The following GXYLT2 variants were observed in gnomAD, a reference collection of about 807,000 sequenced individuals.
GXYLT2 encodes glucoside xylosyltransferase 2.
In GXYLT2, 53 loss-of-function variants were observed where a neutral mutation model predicts 45.8. That is an observed-to-expected ratio of 1.16 (90% CI 0.93 to 1.46). The LOEUF (loss-of-function observed/expected upper bound fraction) is 1.46, where lower values mean the gene tolerates loss of function less well. GXYLT2 is among the 40% of genes most tolerant of loss of function. GXYLT2 has a pLI of 0.00. For synonymous variants in GXYLT2, 219 were observed against 214.2 expected (o/e 1.02, Z -0.19); for missense variants, 551 against 544.4 (o/e 1.01, Z -0.12).
At chr3:72,903,968 A>G (rs1709455222) in intron 1 of GXYLT2, among the ~76,000 whole-genome samples, 1 of 152,180 alleles carries the variant, frequency 6.6e-6, no homozygotes, top group Admixed American at 6.5e-5. Context: ...ATCACCAGAG[A>G]TCTGCCCTGC....
intron 3 of GXYLT2, chr3:72,926,811 T>G (rs1448856650): frequency 6.6e-6 from 1 of 152,152 alleles, no homozygotes; most frequent in Admixed American, 6.5e-5. Flanking sequence ...ATATGGTAAT[T>G]TGAGGTAGGG....
chr3:72,909,962 A>G (rs1709587839), intron 2 of GXYLT2, among the ~76,000 whole-genome samples: 1 of 152,182 alleles, frequency 6.6e-6, no homozygotes, highest in African/African-American at 2.4e-5. Flanking sequence ...TGAGTAGGAA[A>G]AAAAAAGTAC....
At chr3:72,917,282 G>C (rs147212665) in intron 2 of GXYLT2, among the ~76,000 whole-genome samples, 1 of 152,080 alleles carries the variant, frequency 6.6e-6, no homozygotes, top group South Asian at 2.1e-4. Context: ...ATTTTGGGCT[G>C]TTGTGCGGTG....
intron 1 of GXYLT2, among the ~76,000 whole-genome samples, chr3:72,896,720 G>C (rs1002646568): frequency 1.3e-5 from 2 of 151,836 alleles, no homozygotes; most frequent in Admixed American, 6.6e-5. Flanking sequence ...ATGGTGGCAG[G>C]TGCCTGTAAT....
chr3:72,955,375 G>A (rs779056845), intron 4 of GXYLT2, 26 bp downstream of exon 4: 7 of 1,607,984 alleles, frequency 4.4e-6, no homozygotes, highest in South Asian at 3.3e-5. Flanking sequence ...AAAATTCCTT[G>A]TTTAAAGACT....
intron 3 of GXYLT2, among the ~76,000 whole-genome samples, chr3:72,925,129 C>T (rs1709894789): frequency 6.6e-6 from 1 of 151,430 alleles, no homozygotes; most frequent in Admixed American, 6.6e-5. Context: ...AGCTCACTTG[C>T]TCATTATGTC....
At chr3:72,937,472 G>A (rs988293016) in intron 3 of GXYLT2, among the ~76,000 whole-genome samples, 1 of 152,180 alleles carries the variant, frequency 6.6e-6, no homozygotes, top group Non-Finnish European at 1.5e-5. Context: ...CCCAGGCTGC[G>A]ATCTTTAGGT....
chr3:72,971,918 C>T (rs1303427356), intron 6 of GXYLT2, among the ~76,000 whole-genome samples: 8 of 150,350 alleles, frequency 5.3e-5, no homozygotes, highest in African/African-American at 2.0e-4. Flanking sequence ...CACTGCACTC[C>T]AGCCTGGGCG....
intron 3 of GXYLT2, among the ~76,000 whole-genome samples, chr3:72,944,262 T>C (rs7617954): frequency 2.0e-5 from 1 of 49,852 alleles, no homozygotes; most frequent in African/African-American, 7.7e-5. Flanking sequence ...TCTTTTTTTT[T>C]CTTTTTTTTT....
intron 5 of GXYLT2, among the ~76,000 whole-genome samples, chr3:72,958,057 G>A (rs1710684849): frequency 6.6e-6 from 1 of 152,070 alleles, no homozygotes; most frequent in Non-Finnish European, 1.5e-5. Flanking sequence ...GATCACTTGA[G>A]GTCGAGAGTT....
At chr3:72,948,925 G>C (rs1710462675) in intron 3 of GXYLT2, among the ~76,000 whole-genome samples, 6 of 151,898 alleles carry the variant, frequency 4.0e-5, no homozygotes, top group Admixed American at 2.6e-4. Context: ...CCAGGGAACA[G>C]AACTTTACAG....
Position 72,922,318 on chromosome 3 carries a change from C to G in GXYLT2, c.583C>G (p.Gln195Glu). 1 of 1,612,198 alleles carries G rather than the reference C, an allele frequency of 6.2e-7. No homozygotes were observed. Among genetic ancestry groups the G allele is most frequent in the Non-Finnish European group, 8.5e-7 (1 of 1,179,434 alleles). Reference sequence around the variant, plus strand: ...GAAATTGTTCAAACCCTGTGCTGCCCAGAGACTCTTTCTTCCGGTAGGAAC... The same window carrying G: ...GAAATTGTTCAAACCCTGTGCTGCCGAGAGACTCTTTCTTCCGGTAGGAAC... ...WKKLFKPCAA[Q>E]RLFLPVILKD... Residue 195 changes from glutamine to glutamate, a missense_variant, in exon 3 of 7, where the codon CAG becomes GAG. By Grantham distance (29) the Gln-to-Glu change is conservative. Coordinates refer to ENST00000389617, the MANE Select transcript of GXYLT2 (RefSeq NM_001080393.2).
Position 72,922,347 on chromosome 3 carries a change from T to G in GXYLT2, c.600+12T>G, listed in dbSNP as rs374381710. 1.2e-6 allele frequency: 2 copies of G among 1,608,884 alleles called. No homozygotes were observed. Among genetic ancestry groups the G allele is most frequent in the Non-Finnish European group, 1.7e-6 (2 of 1,178,390 alleles). On this transcript the variant is annotated intron_variant, in intron 3 of 6. Transcript: ENST00000389617. ...GACTCTTTCTTCCGGTAGGAACACC[T>G]GTTTTTAATAAGTTGTAGCTTGCTC...
rs3078689 is a variant in GXYLT2, at chr3:72,954,637, AAAATAAATAAATAAAT to A, written c.601-435_601-420del. Among the ~76,000 whole-genome samples, 16 of 136,004 alleles carry A rather than the reference AAAATAAATAAATAAAT, an allele frequency of 1.2e-4. No homozygotes were observed. In the East Asian group the frequency reaches 1.7e-3, roughly 15 times the overall value. The allele number at this position is 136,004 out of a possible 152,430, so 89.2% of individuals were successfully genotyped here. On this transcript the variant is annotated intron_variant, in intron 3 of 6. Coordinates refer to ENST00000389617, the MANE Select transcript of GXYLT2 (RefSeq NM_001080393.2). Reference sequence around the variant, plus strand: ...GGCGACAGAGTGAGACTCCATCTCAAAAATAAATAAATAAATAAATAAATAAATAAATAAATAAATA... The same window carrying A: ...GGCGACAGAGTGAGACTCCATCTCAAAAATAAATAAATAAATAAATAAATA...
At position 72,929,686 on chromosome 3, in the gene GXYLT2, A is replaced by G. The variant is rs185070412; in HGVS notation, c.600+7351A>G. On this transcript the variant is annotated intron_variant, in intron 3 of 6. Coordinates refer to ENST00000389617, the MANE Select transcript of GXYLT2 (RefSeq NM_001080393.2). ...TGTTGGGGTTTCCTTTACTTTTTCT[A>G]TAAGTTGCACCACAACATCCAGAAA... is the stretch of plus-strand genomic sequence containing the variant. 11 of 658,782 alleles carry G rather than the reference A, an allele frequency of 1.7e-5. No individual in the cohort carries two copies. In the Admixed American group the frequency reaches 2.4e-4, roughly 15 times the overall value. The allele number at this position is 658,782 out of a possible 1,614,324, so 40.8% of individuals were successfully genotyped here. A position where few individuals can be genotyped will look rare whatever the true frequency, so the allele number is the denominator to read the frequency against.
At position 72,901,803 on chromosome 3, in the gene GXYLT2, C is replaced by T. The variant is rs183361234; in HGVS notation, c.276-6564C>T. 5.9e-3 allele frequency among the ~76,000 whole-genome samples: 889 copies of T among 151,820 alleles called. 10 individuals are homozygous for T. The highest frequency in any genetic ancestry group is 0.02 in the African/African-American group (835 of 41,450). On this transcript the variant is annotated intron_variant, in intron 1 of 6. Coordinates refer to ENST00000389617, the MANE Select transcript of GXYLT2 (RefSeq NM_001080393.2). ...CTCAAACTACTGACCTCAAGTGATC[C>T]GCCCGCCTCAGCCTCCCAAAGTGCT...
At chr3:72,956,707 G>C (rs927772957) in intron 4 of GXYLT2, among the ~76,000 whole-genome samples, 14 of 151,954 alleles carry the variant, frequency 9.2e-5, no homozygotes, top group African/African-American at 3.4e-4. Context: ...TCGCCAACAG[G>C]GGGAAACCCC....
chr3:72,903,011 C>G (rs1709436920), intron 1 of GXYLT2, among the ~76,000 whole-genome samples: 1 of 151,906 alleles, frequency 6.6e-6, no homozygotes, highest in Non-Finnish European at 1.5e-5. Flanking sequence ...GACTCCGTCT[C>G]AAAAAACAAA....
chr3:72,945,471 A>G (rs561050032), intron 3 of GXYLT2, among the ~76,000 whole-genome samples: 7 of 152,284 alleles, frequency 4.6e-5, no homozygotes, highest in South Asian at 2.1e-4. Flanking sequence ...AGGGGTTTCT[A>G]TTCTAGTTAG....
Sources: gnomAD v4.1 joint callset for allele counts (sites outside exome capture counted in the v4.1 genomes callset) on GRCh38, gnomAD v4.1.1 for gene constraint, MANE v1.5 for transcripts, NCBI Gene and HGNC (gene_info 2026-07-23, HGNC 2026-07-21) for gene names.